Variants in SUSD4 observed in about 807,000 individuals in gnomAD.
SUSD4 encodes the protein sushi domain containing 4.
A neutral mutation model predicts 50.5 loss-of-function variants in SUSD4; 41 were observed. That is an observed-to-expected ratio of 0.81 (90% CI 0.63 to 1.05). SUSD4 has a LOEUF of 1.05. Among genes scored for constraint, SUSD4 ranks in the 50% least tolerant of loss-of-function variants. The probability of loss-of-function intolerance (pLI) is 0.00; values close to 1 mark genes in which losing one functional copy is unlikely to be tolerated. For missense variants in SUSD4, 580 were observed against 634.7 expected, an observed-to-expected ratio of 0.91 and a Z score of 0.93; for synonymous variants, 257 against 257.3, an observed-to-expected ratio of 1.00 and a Z score of 0.01.
intron 2 of SUSD4, among the ~76,000 whole-genome samples, chr1:223,350,063 C>T (rs577177950): frequency 6.6e-6 from 1 of 152,352 alleles, no homozygotes; most frequent in South Asian, 2.1e-4. Context: ...AAGAAGGCAG[C>T]TGTCTGCAAC....
chr1:223,350,462 G>A (rs1463778279), intron 2 of SUSD4, among the ~76,000 whole-genome samples: 6 of 152,196 alleles, frequency 3.9e-5, no homozygotes, highest in Non-Finnish European at 8.8e-5. Flanking sequence ...TACTCCAGGT[G>A]CTGTCACTCC....
intron 5 of SUSD4, chr1:223,263,592 G>C (rs1662273016): frequency 4.9e-5 from 48 of 985,304 alleles, no homozygotes; most frequent in Non-Finnish European, 5.8e-5. Context: ...GGGAAGGGCT[G>C]GCCTTCTGGC....
At chr1:223,246,992 G>A (rs1660980964) in intron 5 of SUSD4, among the ~76,000 whole-genome samples, 1 of 152,308 alleles carries the variant, frequency 6.6e-6, no homozygotes, top group South Asian at 2.1e-4. Context: ...GAATACTAAT[G>A]TAGTATTATA....
At position 223,363,491 on chromosome 1, in the gene SUSD4, C is replaced by A. The variant is rs961320431; in HGVS notation, c.-35-31G>T. ...ACCAGAAGCGGAACACCACAATAAGCCAGTCTGTCCGGGCTCGGGGGCCAC... is the reference window on the plus strand; with the variant it reads ...ACCAGAAGCGGAACACCACAATAAGACAGTCTGTCCGGGCTCGGGGGCCAC... On this transcript the variant is annotated intron_variant, in intron 1 of 8. Transcript: ENST00000366878. The A allele has an allele frequency of 2.8e-6, 4 of 1,437,790 alleles. No individual in the cohort carries two copies. In the African/African-American group the frequency reaches 4.2e-5, roughly 15 times the overall value. 89.1% of individuals were successfully genotyped at this position (1,437,790 alleles called of 1,614,324 possible). A position where few individuals can be genotyped will look rare whatever the true frequency, so the allele number is the denominator to read the frequency against.
intron 2 of SUSD4, among the ~76,000 whole-genome samples, chr1:223,306,496 A>AT (rs1399589988): frequency 6.6e-5 from 10 of 152,010 alleles, no homozygotes; most frequent in Non-Finnish European, 1.3e-4. Flanking sequence ...GGCATGGGTA[A>AT]TTTTTTTGTT....
intron 5 of SUSD4, among the ~76,000 whole-genome samples, chr1:223,259,419 T>G (rs61837626): frequency 0.37 from 55,518 of 151,960 alleles, 12,787 homozygotes; most frequent in Non-Finnish European, 0.52. Context: ...CAGCTACAAT[T>G]AAGGACCCCA....
intron 5 of SUSD4, chr1:223,264,265 C>A (rs1268785872): frequency 1.0e-6 from 1 of 1,004,864 alleles, no homozygotes; most frequent in Non-Finnish European, 1.2e-6. Context: ...AACAGCGACA[C>A]AACAATAAAA....
At chr1:223,341,488 C>T (rs531897963) in intron 2 of SUSD4, among the ~76,000 whole-genome samples, 1 of 142,260 alleles carries the variant, frequency 7.0e-6, no homozygotes, top group African/African-American at 2.5e-5. Context: ...GATCCACCTT[C>T]CAGCTGTGAA....
At chr1:223,264,196 G>A (rs976278486) in intron 5 of SUSD4, 1 of 985,202 alleles carries the variant, frequency 1.0e-6, no homozygotes, top group African/African-American at 1.7e-5. Flanking sequence ...GGCATCCAAG[G>A]GTGTGCTTGC....
In SUSD4 at chr1:223,221,302, G is replaced by A. The variant is rs897806739; in HGVS notation, c.*890C>T. On this transcript the variant is annotated 3_prime_UTR_variant, in exon 9 of 9. Coordinates refer to ENST00000366878, the MANE Select transcript of SUSD4 (RefSeq NM_017982.4). ...AACAATGACAATTGTCAACTAGAGA[G>A]AGGCTCATGATTCTGAGATAAATGT... 4 of 393,544 alleles carry A rather than the reference G, an allele frequency of 1.0e-5. No individual in the cohort carries two copies. Among genetic ancestry groups the A allele is most frequent in the African/African-American group, 8.2e-5 (4 of 48,576 alleles). The allele number at this position is 393,544 out of a possible 1,614,324, so 24.4% of individuals were successfully genotyped here. A position where few individuals can be genotyped will look rare whatever the true frequency, so the allele number is the denominator to read the frequency against.
intron 7 of SUSD4, among the ~76,000 whole-genome samples, chr1:223,226,865 A>T (rs1368599375): frequency 1.3e-5 from 2 of 152,182 alleles, no homozygotes; most frequent in Non-Finnish European, 2.9e-5. Flanking sequence ...TCATAAACTT[A>T]TCCTTTTGCT....
intron 2 of SUSD4, among the ~76,000 whole-genome samples, chr1:223,324,914 C>T (rs922379926): frequency 3.9e-5 from 6 of 152,040 alleles, no homozygotes; most frequent in Non-Finnish European, 7.4e-5. Flanking sequence ...ACATTTCCCC[C>T]ACCTCCTACC....
intron 5 of SUSD4, among the ~76,000 whole-genome samples, chr1:223,259,194 A>G (rs1661920137): frequency 6.6e-6 from 1 of 152,176 alleles, no homozygotes; most frequent in South Asian, 2.1e-4. Context: ...GAATGAAACC[A>G]TACACCTCAG....
chr1:223,316,810 C>T (rs372897408), intron 2 of SUSD4, among the ~76,000 whole-genome samples: 110 of 152,226 alleles, frequency 7.2e-4, no homozygotes, highest in African/African-American at 2.6e-3. Context: ...TCTGTCTGGC[C>T]CCCTCCGCCT....
intron 3 of SUSD4, among the ~76,000 whole-genome samples, chr1:223,288,253 G>A (rs1025717058): frequency 2.6e-5 from 4 of 152,172 alleles, no homozygotes; most frequent in African/African-American, 4.8e-5. Context: ...TTTAAAAGCA[G>A]GGGTTTTCCC....
At chr1:223,284,105 A>T (rs1451704286) in intron 3 of SUSD4, among the ~76,000 whole-genome samples, 12 of 148,904 alleles carry the variant, frequency 8.1e-5, no homozygotes, top group Non-Finnish European at 1.3e-4. Flanking sequence ...GGGGGAGGGA[A>T]AGCATTAGGA....
chr1:223,324,255 T>C (rs755591520), intron 2 of SUSD4, among the ~76,000 whole-genome samples: 6 of 150,010 alleles, frequency 4.0e-5, no homozygotes. Context: ...CAGATGGCCA[T>C]GAAGAGAAAG....
rs367937436 is a variant in SUSD4 at position 223,293,986 on chromosome 1, C to G, written c.149-1335G>C. 4.9e-4 allele frequency among the ~76,000 whole-genome samples: 74 copies of G among 152,182 alleles called. No homozygotes were observed. The South Asian group carries it at 0.013, about 28-fold the overall frequency. ...CTGAAACAAACACTGATGTCATAAG[C>G]CACAGCGAGGGCCAGGGATAAGGGA... On this transcript the variant is annotated intron_variant, in intron 2 of 8. Transcript: ENST00000366878.
At chr1:223,293,714 G>C (rs574064106) in intron 2 of SUSD4, among the ~76,000 whole-genome samples, 1 of 152,220 alleles carries the variant, frequency 6.6e-6, no homozygotes, top group Non-Finnish European at 1.5e-5. Context: ...GGAGACCTAA[G>C]AAATTTTGTG....
Sources: allele counts gnomAD v4.1 joint callset (sites outside exome capture counted in the v4.1 genomes callset), GRCh38; gene constraint gnomAD v4.1.1; transcripts MANE v1.5; gene names NCBI Gene and HGNC (gene_info 2026-07-23, HGNC 2026-07-21).